The following ZNF423 variants were observed in gnomAD, a reference collection of about 807,000 sequenced individuals.
The protein encoded by ZNF423 is zinc finger protein 423.
ZNF423 carries 12 observed loss-of-function variants against 95.8 expected under a neutral mutation model. That is an observed-to-expected ratio of 0.13 (90% CI 0.08 to 0.20). The LOEUF (loss-of-function observed/expected upper bound fraction) is 0.20. Among genes scored for constraint, ZNF423 ranks in the 10% least tolerant of loss-of-function variants. The pLI is 1.00. For missense variants in ZNF423, 1,316 were observed against 1,737.1 expected (o/e 0.76, Z 4.31); for synonymous variants, 749 against 711.9 (o/e 1.05, Z -0.83).
chr16:49,518,735 A>G, intron 7 of ZNF423: 1 of 330,616 alleles, frequency 3.0e-6, no homozygotes, highest in African/African-American at 2.2e-5. Context: ...CCTTTTGAGT[A>G]TGGCTTTTGT....
chr16:49,568,406 GC>G (rs1970258357), intron 5 of ZNF423, among the ~76,000 whole-genome samples: 1 of 152,156 alleles, frequency 6.6e-6, no homozygotes. Context: ...TGGGCCTGTT[GC>G]ACCTTAAGAA....
intron 1 of ZNF423, among the ~76,000 whole-genome samples, chr16:49,801,602 C>T (rs1408613944): frequency 6.6e-6 from 1 of 152,218 alleles, no homozygotes; most frequent in Non-Finnish European, 1.5e-5. Context: ...CCAGCAATAG[C>T]AGCATTACCT....
intron 3 of ZNF423, among the ~76,000 whole-genome samples, chr16:49,678,325 T>C (rs942068825): frequency 2.4e-4 from 6 of 24,526 alleles, no homozygotes; most frequent in African/African-American, 3.8e-4. Flanking sequence ...TTTTGTTTTG[T>C]TTTGCTTAAG....
At chr16:49,797,390 G>T (rs1021064507) in intron 1 of ZNF423, among the ~76,000 whole-genome samples, 1 of 152,180 alleles carries the variant, frequency 6.6e-6, no homozygotes, top group African/African-American at 2.4e-5. Context: ...CCAGAGAAAG[G>T]GGTGCCCATT....
Position 49,638,939 on chromosome 16 carries a change from G to A in ZNF423, c.302-65C>T. ...AGGGCTGCCGAGAAACAAGGACAGA[G>A]CCAGCTTCTCGACAGCACGCGGGCT... On this transcript the variant is annotated intron_variant, in intron 3 of 7. Transcript: ENST00000563137. The surrounding 1 kb of genome is among the most constrained non-coding windows in gnomAD (Gnocchi z 5.6). 6.6e-7 allele frequency: 1 copy of A among 1,523,714 alleles called. No homozygotes were observed. The highest frequency in any genetic ancestry group is 8.8e-7 in the Non-Finnish European group (1 of 1,134,498). 94.4% of individuals were successfully genotyped at this position (1,523,714 alleles called of 1,614,324 possible). A position where few individuals can be genotyped will look rare whatever the true frequency, so the allele number is the denominator to read the frequency against.
At position 49,855,174 on chromosome 16, in the gene ZNF423, GGCGCCCGGGGCGCTCGCCGACA is replaced by G. The variant is rs1238541200; in HGVS notation, c.40+539_40+560del. On this transcript the variant is annotated intron_variant, in intron 1 of 7. Coordinates refer to ENST00000563137, the MANE Select transcript of ZNF423 (RefSeq NM_001379286.1). The surrounding 1 kb of genome is among the most constrained non-coding windows in gnomAD (Gnocchi z 4.7). ...CGCCAGGCGGCCGGGGCGAGGGCGCGGCGCCCGGGGCGCTCGCCGACAGCGCCCGCCGCTCCCCGCGTCCTCG... is the reference window on the plus strand; with the variant it reads ...CGCCAGGCGGCCGGGGCGAGGGCGCGGCGCCCGCCGCTCCCCGCGTCCTCG... 6.7e-6 allele frequency among the ~76,000 whole-genome samples: 1 copy of G among 148,434 alleles called. No homozygotes were observed. Among genetic ancestry groups the G allele is most frequent in the African/African-American group, 2.4e-5 (1 of 40,898 alleles).
intron 1 of ZNF423, chr16:49,854,266 G>A (rs2035332469): frequency 1.0e-6 from 1 of 985,238 alleles, no homozygotes; most frequent in Admixed American, 6.1e-5. Flanking sequence ...AACGGGCCGG[G>A]CGCTCCGTTT....
intron 3 of ZNF423, among the ~76,000 whole-genome samples, chr16:49,666,495 G>A (rs188080604): frequency 2.6e-5 from 4 of 152,256 alleles, no homozygotes; most frequent in East Asian, 1.9e-4. Context: ...ATACATGCAC[G>A]GTTGCCTATT....
At chr16:49,535,371 T>C (rs1042759644) in intron 5 of ZNF423, among the ~76,000 whole-genome samples, 1 of 152,180 alleles carries the variant, frequency 6.6e-6, no homozygotes, top group African/African-American at 2.4e-5. Flanking sequence ...CCTCTCTGAG[T>C]GATCAGCAAT....
chr16:49,758,089 G>T (rs1264234209), intron 2 of ZNF423, among the ~76,000 whole-genome samples: 1 of 152,156 alleles, frequency 6.6e-6, no homozygotes, highest in Non-Finnish European at 1.5e-5. Context: ...GTAGAAAATG[G>T]TTTACCCGGG....
At chr16:49,754,269 T>C (rs1388573322) in intron 2 of ZNF423, among the ~76,000 whole-genome samples, 1 of 152,156 alleles carries the variant, frequency 6.6e-6, no homozygotes, top group Non-Finnish European at 1.5e-5. Context: ...CCTCCTGCAT[T>C]CAATCTGGCG....
intron 2 of ZNF423, among the ~76,000 whole-genome samples, chr16:49,753,842 C>G (rs1372266637): frequency 1.3e-5 from 2 of 152,018 alleles, no homozygotes; most frequent in East Asian, 3.9e-4. Flanking sequence ...ACCAGCCTGG[C>G]CAACATGGCA....
At chr16:49,526,582 GT>G (rs1273086027) in intron 5 of ZNF423, among the ~76,000 whole-genome samples, 1 of 152,168 alleles carries the variant, frequency 6.6e-6, no homozygotes, top group East Asian at 1.9e-4. Context: ...GGGACCACCT[GT>G]CCTCCCTGCT....
intron 2 of ZNF423, among the ~76,000 whole-genome samples, chr16:49,783,345 AC>A (rs1466877266): frequency 6.9e-6 from 1 of 145,348 alleles, no homozygotes; most frequent in Non-Finnish European, 1.5e-5. Flanking sequence ...GGTTAGCATT[AC>A]AGTTAGGGTT....
chr16:49,570,793 G>C (rs1369936476), intron 5 of ZNF423, among the ~76,000 whole-genome samples: 1 of 152,244 alleles, frequency 6.6e-6, no homozygotes, highest in Admixed American at 6.5e-5. Context: ...AGTGCAAAGA[G>C]AGTCGTGATA....
intron 2 of ZNF423, among the ~76,000 whole-genome samples, chr16:49,759,138 G>A (rs769875865): frequency 2.0e-4 from 30 of 152,162 alleles, no homozygotes; most frequent in African/African-American, 2.7e-4. Flanking sequence ...TGTGGCTCAC[G>A]CCTGTAATCC....
At chr16:49,837,313 C>T (rs886445586) in intron 1 of ZNF423, among the ~76,000 whole-genome samples, 3 of 152,122 alleles carry the variant, frequency 2.0e-5, no homozygotes, top group African/African-American at 7.2e-5. Context: ...AGGCTGTGTG[C>T]GTCTCTGAAA....
chr16:49,548,320 T>C (rs1210715454), intron 5 of ZNF423, among the ~76,000 whole-genome samples: 1 of 152,154 alleles, frequency 6.6e-6, no homozygotes, highest in Non-Finnish European at 1.5e-5. Context: ...GACATTAAAA[T>C]TTGGTCTAGA....
chr16:49,811,338 C>T (rs1285432572), intron 1 of ZNF423, among the ~76,000 whole-genome samples: 1 of 151,936 alleles, frequency 6.6e-6, no homozygotes, highest in East Asian at 1.9e-4. Context: ...TAGAGTTGGC[C>T]TTGATGGGAT....
Sources: allele counts gnomAD v4.1 joint callset (sites outside exome capture counted in the v4.1 genomes callset), GRCh38; gene constraint gnomAD v4.1.1; non-coding constraint Gnocchi (gnomAD v3.1); transcripts MANE v1.5; gene names NCBI Gene and HGNC (gene_info 2026-07-23, HGNC 2026-07-21).